Variants in KAZN observed in about 807,000 individuals in gnomAD.
KAZN encodes kazrin.
Under a neutral mutation model 87.4 loss-of-function variants are expected in KAZN, and 40 were observed. That is an observed-to-expected ratio of 0.46 (90% CI 0.36 to 0.60). The LOEUF (loss-of-function observed/expected upper bound fraction) is 0.60, where lower values mean the gene tolerates loss of function less well. Ranked by LOEUF, KAZN falls within the 20% of genes least tolerant of loss-of-function variation. The pLI is 0.00. For synonymous variants in KAZN, 466 were observed against 458.3 expected (o/e 1.02, Z -0.22); for missense variants, 898 against 1,073.9 (o/e 0.84, Z 2.29).
At chr1:14,971,439 A>G (rs1034103133) in intron 2 of KAZN, among the ~76,000 whole-genome samples, 1 of 152,138 alleles carries the variant, frequency 6.6e-6, no homozygotes, top group Non-Finnish European at 1.5e-5. Flanking sequence ...ACGGCCTTCT[A>G]GCTAGTAGGT....
chr1:14,922,011 C>T (rs1286500952), intron 1 of KAZN, among the ~76,000 whole-genome samples: 1 of 152,202 alleles, frequency 6.6e-6, no homozygotes, highest in Non-Finnish European at 1.5e-5. Context: ...CATGCCCAGC[C>T]AGGTGCTATT....
chr1:14,365,612 G>A (rs1557665953), intron 2 of KAZN, among the ~76,000 whole-genome samples: 1 of 152,096 alleles, frequency 6.6e-6, no homozygotes, highest in Non-Finnish European at 1.5e-5. Context: ...TCCTTGTGGT[G>A]GGGACTGTCC....
At chr1:14,652,719 A>G (rs1412812341) in intron 1 of KAZN, among the ~76,000 whole-genome samples, 1 of 130,320 alleles carries the variant, frequency 7.7e-6, no homozygotes, top group Admixed American at 9.3e-5. Flanking sequence ...CCATTCATTC[A>G]TCCACCCATC....
intron 1 of KAZN, among the ~76,000 whole-genome samples, chr1:14,740,163 G>T (rs1171514651): frequency 6.6e-6 from 1 of 152,126 alleles, no homozygotes; most frequent in African/African-American, 2.4e-5. Flanking sequence ...AGGCAAATTG[G>T]TCCCTCCACA....
chr1:13,923,254 G>C (rs572339745), intron 1 of KAZN, among the ~76,000 whole-genome samples: 1 of 152,248 alleles, frequency 6.6e-6, no homozygotes, highest in African/African-American at 2.4e-5. Flanking sequence ...AGAGAAAAAA[G>C]GTTATTAAGA....
At chr1:15,046,257 C>T (rs495512) in intron 4 of KAZN, among the ~76,000 whole-genome samples, 20,090 of 148,744 alleles carry the variant, frequency 0.14, 1,452 homozygotes, top group East Asian at 0.2. Flanking sequence ...AAGGTCAAGC[C>T]GCTGCACTCC....
intron 2 of KAZN, among the ~76,000 whole-genome samples, chr1:14,571,722 G>A (rs1281527626): frequency 2.0e-5 from 3 of 152,130 alleles, no homozygotes; most frequent in Non-Finnish European, 1.5e-5. Flanking sequence ...TCCGGGCCAG[G>A]GTGAATGGTG....
intron 2 of KAZN, among the ~76,000 whole-genome samples, chr1:14,252,946 C>T (rs1557595396): frequency 6.6e-6 from 1 of 152,014 alleles, no homozygotes; most frequent in Non-Finnish European, 1.5e-5. Context: ...CATCAACTGG[C>T]AGTTGAGAGA....
intron 2 of KAZN, among the ~76,000 whole-genome samples, chr1:14,965,982 CTT>C (rs71306999): frequency 2.3e-5 from 3 of 129,164 alleles, no homozygotes; most frequent in African/African-American, 3.0e-5. Context: ...CTTTCCTTTT[CTT>C]TTTTTTTTTT....
At position 13,981,089 on chromosome 1, in the gene KAZN, T is replaced by TATATATA. The variant is rs1553181094; in HGVS notation, c.91+87333_91+87334insATATATA. ...TTGGAGAGGTATAAAAAATTACTCT[T>TATATATA]TATATATATATATATATATATGTAT... On this transcript the variant is annotated intron_variant, in intron 1 of 16. Coordinates refer to the KAZN transcript ENST00000636203. Among the ~76,000 whole-genome samples, 99 of 63,134 alleles carry TATATATA rather than the reference T, an allele frequency of 1.6e-3. 5 individuals are homozygous for TATATATA. The East Asian group carries it at 0.02, about 13-fold the overall frequency. 41.4% of individuals were successfully genotyped at this position (63,134 alleles called of 152,430 possible).
chr1:15,057,855 G>C (rs530409882), intron 5 of KAZN, among the ~76,000 whole-genome samples: 1 of 152,198 alleles, frequency 6.6e-6, no homozygotes, highest in African/African-American at 2.4e-5. Flanking sequence ...TGAATCACGT[G>C]GGGGCAGCAG....
chr1:14,627,373 A>C (rs1679221878), intron 1 of KAZN, among the ~76,000 whole-genome samples: 1 of 152,046 alleles, frequency 6.6e-6, no homozygotes, highest in Non-Finnish European at 1.5e-5. Flanking sequence ...GAGGTCAATA[A>C]GAGATGAGAT....
intron 1 of KAZN, among the ~76,000 whole-genome samples, chr1:14,124,653 G>A (rs908949057): frequency 6.6e-6 from 1 of 151,974 alleles, no homozygotes; most frequent in African/African-American, 2.4e-5. Flanking sequence ...TGGTATATTC[G>A]CCAACGGCCT....
chr1:13,996,615 T>C (rs2005499), intron 1 of KAZN, among the ~76,000 whole-genome samples: 22,105 of 152,220 alleles, frequency 0.15, 1,714 homozygotes, highest in Middle Eastern at 0.22. Context: ...CAGGCCTGAC[T>C]CTGACTCATC....
intron 2 of KAZN, among the ~76,000 whole-genome samples, chr1:14,553,887 A>T (rs1225746718): frequency 6.6e-6 from 1 of 152,212 alleles, no homozygotes; most frequent in Non-Finnish European, 1.5e-5. Flanking sequence ...AGTCCAGCGT[A>T]GGTTCCGGGC....
chr1:14,140,714 T>TC (rs1645216861), intron 1 of KAZN, among the ~76,000 whole-genome samples: 1 of 150,610 alleles, frequency 6.6e-6, no homozygotes, highest in Non-Finnish European at 1.5e-5. Flanking sequence ...CACCCCTGCC[T>TC]CCCCCACGAA....
At chr1:13,951,417 G>A (rs149076387) in intron 1 of KAZN, among the ~76,000 whole-genome samples, 3 of 152,206 alleles carry the variant, frequency 2.0e-5, no homozygotes, top group South Asian at 2.1e-4. Flanking sequence ...CTCATGGTTC[G>A]GGGACCACAC....
intron 2 of KAZN, among the ~76,000 whole-genome samples, chr1:14,392,693 T>C (rs951714949): frequency 6.6e-6 from 1 of 151,916 alleles, no homozygotes; most frequent in African/African-American, 2.4e-5. Context: ...ACCTCGGTCA[T>C]GACAATAGAG....
In KAZN at chr1:15,066,132, T is replaced by C; in HGVS notation, c.1222+379T>C. 1 of 1,071,136 alleles carries C rather than the reference T, an allele frequency of 9.3e-7. No individual in the cohort carries two copies. The highest frequency in any genetic ancestry group is 1.1e-6 in the Non-Finnish European group (1 of 885,626). 66.4% of individuals were successfully genotyped at this position (1,071,136 alleles called of 1,614,324 possible). A position where few individuals can be genotyped will look rare whatever the true frequency, so the allele number is the denominator to read the frequency against. ...GGTTTTTCTTTTTCTTTTTGTTTGGTTCGTCGGTTTGTTTTTGTTTTTGTT... is the reference window on the plus strand; with the variant it reads ...GGTTTTTCTTTTTCTTTTTGTTTGGCTCGTCGGTTTGTTTTTGTTTTTGTT... On this transcript the variant is annotated intron_variant, in intron 8 of 14. Coordinates refer to ENST00000376030, the MANE Select transcript of KAZN (RefSeq NM_201628.3). The surrounding 1 kb of genome is among the most constrained non-coding windows in gnomAD (Gnocchi z 4.3).
Sources: gnomAD v4.1 joint callset for allele counts (sites outside exome capture counted in the v4.1 genomes callset) on GRCh38, gnomAD v4.1.1 for gene constraint, Gnocchi (gnomAD v3.1) non-coding constraint, MANE v1.5 for transcripts, NCBI Gene and HGNC (gene_info 2026-07-23, HGNC 2026-07-21) for gene names.